SLC25A48: variants seen among roughly 807,000 people sequenced by gnomAD.
The protein encoded by SLC25A48 is CTC-321K16.1.
In SLC25A48, 29 loss-of-function variants were observed where a neutral mutation model predicts 32.2. The ratio of observed to expected loss-of-function variants is 0.90; its 90% confidence interval spans 0.67 to 1.23. The LOEUF is 1.23. Among genes scored for constraint, SLC25A48 ranks in the 50% most tolerant of loss-of-function variants. SLC25A48 has a pLI of 0.00. For missense variants in SLC25A48, 399 were observed against 422.7 expected, an observed-to-expected ratio of 0.94 and a Z score of 0.49; for synonymous variants, 164 against 172.3, an observed-to-expected ratio of 0.95 and a Z score of 0.38.
chr5:135,776,802 T>C (rs1185110723), intron 3 of SLC25A48, among the ~76,000 whole-genome samples: 2 of 151,890 alleles, frequency 1.3e-5, no homozygotes, highest in Non-Finnish European at 2.9e-5. Context: ...ATAATGTTCC[T>C]AATGTCCAGG....
chr5:135,855,328 G>A (rs1284651705), intron 4 of SLC25A48, among the ~76,000 whole-genome samples: 1 of 152,118 alleles, frequency 6.6e-6, no homozygotes, highest in East Asian at 1.9e-4. Context: ...AATCAAACAA[G>A]GTGTGGTTTT....
chr5:135,688,059 G>A (rs1431560431), intron 3 of SLC25A48, among the ~76,000 whole-genome samples: 5 of 10,714 alleles, frequency 4.7e-4, no homozygotes, highest in South Asian at 2.2e-3. Flanking sequence ...CCCAGCAACC[G>A]CCAAGTCTAG....
At chr5:135,608,004 A>G (rs1447232466) in intron 1 of SLC25A48, among the ~76,000 whole-genome samples, 1 of 150,626 alleles carries the variant, frequency 6.6e-6, no homozygotes, top group African/African-American at 2.5e-5. Context: ...TAAGAATATT[A>G]TACAGATGTG....
chr5:135,801,962 G>T (rs1757340491), intron 3 of SLC25A48, among the ~76,000 whole-genome samples: 2 of 151,702 alleles, frequency 1.3e-5, no homozygotes, highest in South Asian at 4.2e-4. Flanking sequence ...ATATTGCAGT[G>T]GGTGTACACC....
chr5:135,730,754 A>G (rs1243311507), intron 3 of SLC25A48, among the ~76,000 whole-genome samples: 1 of 152,232 alleles, frequency 6.6e-6, no homozygotes, highest in African/African-American at 2.4e-5. Context: ...AAATGCTGAT[A>G]ATGATATGGA....
chr5:135,836,713 C>T (rs1278102493), intron 1 of SLC25A48, among the ~76,000 whole-genome samples: 2 of 152,068 alleles, frequency 1.3e-5, no homozygotes, highest in African/African-American at 2.4e-5. Context: ...TCTCTTGTGT[C>T]AGTTTATGTA....
intron 3 of SLC25A48, among the ~76,000 whole-genome samples, chr5:135,736,698 G>T (rs907590285): frequency 2.0e-5 from 3 of 152,154 alleles, no homozygotes; most frequent in Non-Finnish European, 4.4e-5. Context: ...TGAAACATGG[G>T]TGAATAATAA....
Position 135,614,720 on chromosome 5 carries a change from C to G in SLC25A48, c.-848-14517C>G, listed in dbSNP as rs192963528. Among the ~76,000 whole-genome samples, 585 of 152,232 alleles carry G rather than the reference C, an allele frequency of 3.8e-3. 2 individuals are homozygous for G. The highest frequency in any genetic ancestry group is 6.7e-3 in the Non-Finnish European group (459 of 68,022). On this transcript the variant is annotated intron_variant, in intron 1 of 10. Coordinates refer to the SLC25A48 transcript ENST00000646290. ...TTTGTATATTGAATTATCCTTGAATCCCTGGGATAAATCCCACTTGATCAC... is the reference window on the plus strand; with the variant it reads ...TTTGTATATTGAATTATCCTTGAATGCCTGGGATAAATCCCACTTGATCAC...
At chr5:135,738,736 G>C (rs140984487) in intron 3 of SLC25A48, among the ~76,000 whole-genome samples, 184 of 152,296 alleles carry the variant, frequency 1.2e-3, no homozygotes, top group African/African-American at 4.2e-3. Context: ...GAAACACCCA[G>C]TGCTGACTTT....
chr5:135,724,444 G>T (rs1405639761), intron 3 of SLC25A48, among the ~76,000 whole-genome samples: 1 of 152,212 alleles, frequency 6.6e-6, no homozygotes, highest in Admixed American at 6.5e-5. Flanking sequence ...GGCCTTTCCT[G>T]CAGGGTAGAG....
chr5:135,695,990 G>T (rs1327919329), intron 3 of SLC25A48, among the ~76,000 whole-genome samples: 1 of 152,196 alleles, frequency 6.6e-6, no homozygotes, highest in African/African-American at 2.4e-5. Context: ...TTTACCATCT[G>T]CCATGACATA....
At chr5:135,770,091 G>T (rs1756365295) in intron 3 of SLC25A48, among the ~76,000 whole-genome samples, 1 of 151,260 alleles carries the variant, frequency 6.6e-6, no homozygotes, top group African/African-American at 2.4e-5. Flanking sequence ...TAGCCGGGGG[G>T]GAGACAATGA....
At chr5:135,779,445 C>T (rs899250059) in intron 3 of SLC25A48, among the ~76,000 whole-genome samples, 10 of 151,650 alleles carry the variant, frequency 6.6e-5, no homozygotes, top group Admixed American at 3.3e-4. Flanking sequence ...AGGGACTGTA[C>T]ACCCCACCTG....
intron 3 of SLC25A48, among the ~76,000 whole-genome samples, chr5:135,675,347 A>G (rs1486926691): frequency 6.6e-6 from 1 of 151,958 alleles, no homozygotes; most frequent in Non-Finnish European, 1.5e-5. Context: ...AGTTTACTAT[A>G]GTCCCATTTA....
chr5:135,602,560 C>T lies in SLC25A48; in HGVS notation c.-849+22963C>T, dbSNP rs758344470. Among the ~76,000 whole-genome samples, 18 of 150,370 alleles carry T rather than the reference C, an allele frequency of 1.2e-4. 1 individual carries two copies. The highest frequency in any genetic ancestry group is 8.5e-4 in the South Asian group (4 of 4,720). On this transcript the variant is annotated intron_variant, in intron 1 of 10. Coordinates refer to the SLC25A48 transcript ENST00000646290. ...TTTTCTTATTGCAAAGCATTGCCACCGGGGGCTTTGTAGCCATCAGTCCTT... is the reference window on the plus strand; with the variant it reads ...TTTTCTTATTGCAAAGCATTGCCACTGGGGGCTTTGTAGCCATCAGTCCTT...
chr5:135,820,178 G>A (rs1165906709), intron 4 of SLC25A48, among the ~76,000 whole-genome samples: 1 of 152,164 alleles, frequency 6.6e-6, no homozygotes, highest in East Asian at 1.9e-4. Context: ...TACACAGAAG[G>A]CTAGATAAGC....
chr5:135,760,137 A>G (rs1756027015), intron 3 of SLC25A48, among the ~76,000 whole-genome samples: 1 of 152,188 alleles, frequency 6.6e-6, no homozygotes, highest in East Asian at 1.9e-4. Flanking sequence ...GGCCCCTGTT[A>G]TTATATCATC....
Position 135,818,037 on chromosome 5 carries a change from G to C in SLC25A48, c.-117+5111G>C, listed in dbSNP as rs973015954. Among the ~76,000 whole-genome samples, 5 of 133,068 alleles carry C rather than the reference G, an allele frequency of 3.8e-5. No individual in the cohort carries two copies. In the East Asian group the frequency reaches 1.1e-3, roughly 29 times the overall value. The allele number at this position is 133,068 out of a possible 152,430, so 87.3% of individuals were successfully genotyped here. A position where few individuals can be genotyped will look rare whatever the true frequency, so the allele number is the denominator to read the frequency against. On this transcript the variant is annotated intron_variant, in intron 4 of 10. Transcript: ENST00000646290. ...GATCCATGCAGGGGAGAGTTTCCCA[G>C]GTTTGTTCTCTCTGTTCCTCTCTCT...
chr5:135,643,981 C>G (rs1752900400), intron 3 of SLC25A48, among the ~76,000 whole-genome samples: 2 of 152,182 alleles, frequency 1.3e-5, no homozygotes, highest in Non-Finnish European at 2.9e-5. Flanking sequence ...AGAGCCCACA[C>G]TCTTTATTAG....
Sources: gnomAD v4.1 joint callset for allele counts (sites outside exome capture counted in the v4.1 genomes callset) on GRCh38, gnomAD v4.1.1 for gene constraint, MANE v1.5 for transcripts, NCBI Gene and HGNC (gene_info 2026-07-23, HGNC 2026-07-21) for gene names.